Variants in CCDC102B observed in about 807,000 individuals in gnomAD.
The protein encoded by CCDC102B is coiled-coil domain containing 102B, also known as coiled-coil domain-containing protein 102B.
In CCDC102B, 75 loss-of-function variants were observed where a neutral mutation model predicts 57.4. The observed-to-expected ratio is 1.31, with a 90% CI of 1.08 to 1.58. The LOEUF is 1.58. Among genes scored for constraint, CCDC102B ranks in the 40% most tolerant of loss-of-function variants. The pLI is 0.00. For synonymous variants in CCDC102B, 206 were observed against 201.9 expected, an observed-to-expected ratio of 1.02 and a Z score of -0.17; for missense variants, 636 against 582.6, an observed-to-expected ratio of 1.09 and a Z score of -0.94.
chr18:68,725,260 G>A (rs1269906734), intron 2 of CCDC102B, among the ~76,000 whole-genome samples: 1 of 152,200 alleles, frequency 6.6e-6, no homozygotes, highest in Non-Finnish European at 1.5e-5. Context: ...CTGTGTCACT[G>A]CAAAATACCT....
chr18:68,787,564 T>C (rs1285038772), intron 2 of CCDC102B, among the ~76,000 whole-genome samples: 1 of 151,754 alleles, frequency 6.6e-6, no homozygotes, highest in African/African-American at 2.4e-5. Flanking sequence ...TGGGAGAGTG[T>C]ATATGTCGAG....
chr18:68,726,416 T>C (rs2032597665), intron 2 of CCDC102B, among the ~76,000 whole-genome samples: 1 of 152,208 alleles, frequency 6.6e-6, no homozygotes. Context: ...GTCTACACAC[T>C]CTGTATAGTG....
chr18:68,931,553 A>C (rs771194467), intron 6 of CCDC102B, among the ~76,000 whole-genome samples: 172 of 151,928 alleles, frequency 1.1e-3, no homozygotes, highest in Non-Finnish European at 9.4e-4. Flanking sequence ...AAGGAGCCAC[A>C]GTTTATAAAC....
intron 4 of CCDC102B, among the ~76,000 whole-genome samples, chr18:68,850,517 C>CG (rs1356035568): frequency 6.6e-6 from 1 of 151,880 alleles, no homozygotes; most frequent in Non-Finnish European, 1.5e-5. Context: ...CTTTTAAACT[C>CG]ATCAACCTGC....
At chr18:68,782,658 G>T (rs567049962) in intron 2 of CCDC102B, among the ~76,000 whole-genome samples, 48 of 152,162 alleles carry the variant, frequency 3.2e-4, no homozygotes, top group Non-Finnish European at 6.2e-4. Context: ...ATTTCCAGTA[G>T]TTGGAAATAA....
chr18:69,045,161 T>C (rs1026101647), intron 7 of CCDC102B, among the ~76,000 whole-genome samples: 1 of 152,114 alleles, frequency 6.6e-6, no homozygotes, highest in South Asian at 2.1e-4. Flanking sequence ...TGCTTCAATA[T>C]GTGAATTTTG....
At chr18:68,835,743 A>G (rs1369064526) in intron 1 of CCDC102B, among the ~76,000 whole-genome samples, 1 of 152,176 alleles carries the variant, frequency 6.6e-6, no homozygotes, top group Non-Finnish European at 1.5e-5. Context: ...ATGATTCACC[A>G]TTTTGAATGT....
intron 7 of CCDC102B, among the ~76,000 whole-genome samples, chr18:69,019,078 A>G (rs934394662): frequency 1.3e-5 from 2 of 152,036 alleles, no homozygotes; most frequent in African/African-American, 4.8e-5. Flanking sequence ...TCTCTATTCC[A>G]TTCATATATG....
At chr18:68,720,665 T>C (rs761754394) in intron 2 of CCDC102B, among the ~76,000 whole-genome samples, 7 of 152,224 alleles carry the variant, frequency 4.6e-5, no homozygotes, top group African/African-American at 1.7e-4. Context: ...GTTATTACAT[T>C]GTATTCCTTT....
chr18:69,056,927 C>A (rs1292074945), downstream of CCDC102B, among the ~76,000 whole-genome samples: 2 of 151,882 alleles, frequency 1.3e-5, no homozygotes, highest in African/African-American at 4.8e-5. Flanking sequence ...CTTCTCAGCC[C>A]CTTTCTAGGA....
chr18:69,057,949 A>G (rs571134610), downstream of CCDC102B, among the ~76,000 whole-genome samples: 1 of 152,134 alleles, frequency 6.6e-6, no homozygotes, highest in African/African-American at 2.4e-5. Context: ...CACCCAATTC[A>G]TGAGCATAGC....
chr18:68,773,135 G>T (rs1048851551), intron 2 of CCDC102B, among the ~76,000 whole-genome samples: 4 of 151,594 alleles, frequency 2.6e-5, no homozygotes, highest in African/African-American at 7.3e-5. Context: ...CCAAACAAAG[G>T]TATTTTCATT....
intron 1 of CCDC102B, among the ~76,000 whole-genome samples, chr18:68,715,981 T>C (rs1297028054): frequency 6.6e-6 from 1 of 152,220 alleles, no homozygotes; most frequent in Admixed American, 6.5e-5. Context: ...AACGTCGTTA[T>C]TCCTAGTGAC....
chr18:68,939,436 C>G (rs2049323307), intron 6 of CCDC102B, among the ~76,000 whole-genome samples: 1 of 151,640 alleles, frequency 6.6e-6, no homozygotes, highest in African/African-American at 2.4e-5. Context: ...AAACATCCTT[C>G]TATTCCAAAC....
At chr18:68,733,300 C>T (rs1568222615) in intron 2 of CCDC102B, among the ~76,000 whole-genome samples, 1 of 151,838 alleles carries the variant, frequency 6.6e-6, no homozygotes. Context: ...CATTAAAGAA[C>T]AGGGGAGAAA....
chr18:68,836,996 T>C lies in CCDC102B; in HGVS notation c.233T>C (p.Leu78Pro). 1 of 1,614,112 alleles carries C rather than the reference T, an allele frequency of 6.2e-7. No individual in the cohort carries two copies. Among genetic ancestry groups the C allele is most frequent in the Non-Finnish European group, 8.5e-7 (1 of 1,180,032 alleles). Reference protein sequence around the residue: ...DICEELRLRELEEVKARAAQM... With the variant: ...DICEELRLREPEEVKARAAQM... ...TGTGAAGAACTTCGCCTGCGGGAGC[T>C]TGAAGAAGTCAAGGCCAGAGCTGCT... Residue 78 changes from leucine (L) to proline (P), a missense_variant, in exon 2 of 8, where the codon CTT becomes CCT. Coordinates refer to ENST00000360242, the MANE Select transcript of CCDC102B (RefSeq NM_024781.3).
rs1555715303 is a variant in CCDC102B at position 68,860,478 on chromosome 18, A to AAC, written c.936+14058_936+14059insCA. ...TAAAAAAAAACAAAAACAAAAACAA[A>AAC]AAAAAAAAAAGACACTACAGGATGA... On this transcript the variant is annotated intron_variant, in intron 4 of 7. Transcript: ENST00000360242. 3.6e-3 allele frequency among the ~76,000 whole-genome samples: 351 copies of AAC among 97,720 alleles called. 27 individuals are homozygous for AAC. The highest frequency in any genetic ancestry group is 9.7e-3 in the African/African-American group (277 of 28,426). The allele number at this position is 97,720 out of a possible 152,430, so 64.1% of individuals were successfully genotyped here. A position where few individuals can be genotyped will look rare whatever the true frequency, so the allele number is the denominator to read the frequency against.
intron 2 of CCDC102B, among the ~76,000 whole-genome samples, chr18:68,776,936 C>G (rs1328459369): frequency 6.6e-6 from 1 of 152,062 alleles, no homozygotes; most frequent in African/African-American, 2.4e-5. Flanking sequence ...GCATTTCACT[C>G]CTTACATCCT....
At chr18:69,009,606 G>A (rs1163566216) in intron 6 of CCDC102B, among the ~76,000 whole-genome samples, 2 of 151,926 alleles carry the variant, frequency 1.3e-5, no homozygotes, top group African/African-American at 4.8e-5. Context: ...TCCCCTACGT[G>A]ATGACTAAAA....
Sources: allele counts gnomAD v4.1 joint callset (sites outside exome capture counted in the v4.1 genomes callset), GRCh38; gene constraint gnomAD v4.1.1; transcripts MANE v1.5; gene names NCBI Gene and HGNC (gene_info 2026-07-23, HGNC 2026-07-21).